FAM135B: variants seen among roughly 807,000 people sequenced by gnomAD.
The protein encoded by FAM135B is family with sequence similarity 135 member B.
In FAM135B, 43 loss-of-function variants were observed where a neutral mutation model predicts 127.7. The observed-to-expected ratio is 0.34, with a 90% CI of 0.26 to 0.43. The LOEUF is 0.43. Ranked by LOEUF, FAM135B falls within the 20% of genes least tolerant of loss-of-function variation. The pLI, the probability that FAM135B is intolerant of heterozygous loss-of-function variation, is 1.00. For missense variants in FAM135B, 1,558 were observed against 1,725.6 expected, an observed-to-expected ratio of 0.90 and a Z score of 1.72; for synonymous variants, 670 against 665.1, an observed-to-expected ratio of 1.01 and a Z score of -0.11.
intron 3 of FAM135B, among the ~76,000 whole-genome samples, chr8:138,276,483 G>A (rs1215528295): frequency 3.9e-5 from 6 of 152,144 alleles, no homozygotes; most frequent in Non-Finnish European, 8.8e-5. Context: ...GGGGAGAACA[G>A]GTGGTTGCTC....
chr8:138,402,258 C>T (rs1261298981), intron 1 of FAM135B, among the ~76,000 whole-genome samples: 1 of 152,160 alleles, frequency 6.6e-6, no homozygotes, highest in East Asian at 1.9e-4. Flanking sequence ...AAGGGTATTT[C>T]TGGTATTGTA....
intron 3 of FAM135B, among the ~76,000 whole-genome samples, chr8:138,302,420 T>C (rs1486363973): frequency 2.6e-5 from 4 of 152,114 alleles, no homozygotes; most frequent in Non-Finnish European, 1.5e-5. Flanking sequence ...GGGTGAAGTT[T>C]CCCATGCAGC....
At chr8:138,156,222 G>T (rs2130817078) in intron 12 of FAM135B, among the ~76,000 whole-genome samples, 1 of 152,272 alleles carries the variant, frequency 6.6e-6, no homozygotes, top group African/African-American at 2.4e-5. Context: ...AATGAAGGCA[G>T]AAATAAAGAT....
chr8:138,166,246 C>T (rs576385659), intron 12 of FAM135B, among the ~76,000 whole-genome samples: 270 of 152,186 alleles, frequency 1.8e-3, no homozygotes, highest in Non-Finnish European at 3.3e-3. Flanking sequence ...TTCTGATCCT[C>T]GAAGGGACAC....
rs143846822 is a variant in FAM135B at position 138,389,366 on chromosome 8, C to T, written c.-19-21364G>A. On this transcript the variant is annotated intron_variant, in intron 1 of 19. Coordinates refer to ENST00000395297, the MANE Select transcript of FAM135B (RefSeq NM_015912.4). Reference sequence around the variant, plus strand: ...AAAAACTTTTACACAAATAATTGTTCGTAGCAGCATTATTCACAATAGACA... The same window carrying T: ...AAAAACTTTTACACAAATAATTGTTTGTAGCAGCATTATTCACAATAGACA... Among the ~76,000 whole-genome samples the T allele has an allele frequency of 7.7e-3, 1,166 of 152,226 alleles. 6 individuals are homozygous for T. Among genetic ancestry groups the T allele is most frequent in the Non-Finnish European group, 9.2e-3 (628 of 68,002 alleles).
At chr8:138,471,825 G>A (rs1837690580) in intron 1 of FAM135B, among the ~76,000 whole-genome samples, 1 of 152,088 alleles carries the variant, frequency 6.6e-6, no homozygotes, top group South Asian at 2.1e-4. Context: ...CAAAGAATTA[G>A]AGATAACGTA....
intron 2 of FAM135B, among the ~76,000 whole-genome samples, chr8:138,357,754 G>A (rs1472395306): frequency 6.6e-6 from 1 of 152,058 alleles, no homozygotes; most frequent in Non-Finnish European, 1.5e-5. Context: ...TTCTAGGAAA[G>A]AAACATTCTA....
In FAM135B at chr8:138,367,914, G is replaced by C. The variant is rs2131216675; in HGVS notation, c.70C>G (p.Gln24Glu). The C allele has an allele frequency of 6.2e-7, 1 of 1,607,804 alleles. No individual in the cohort carries two copies. The highest frequency in any genetic ancestry group is 8.5e-7 in the Non-Finnish European group (1 of 1,175,174). The change falls in exon 2 of 20, where the codon CAG becomes GAG. Residue 24 changes from glutamine to glutamate, a missense_variant. Physicochemically the swap from Gln to Glu is conservative, Grantham distance 29. This residue lies in a region of FAM135B where 199 missense variants were observed against 245.7 expected (regional missense o/e 0.81). Transcript: ENST00000395297. The stretch of plus-strand genomic sequence containing the variant: ...ATTGTAAAGCATACTTACCCTCTCT[G>C]AAAGAGATCCACATTATAAAATTTA... ...LHKFYNVDLF[Q>E]RGYYQIRVTL...
At chr8:138,228,603 C>T (rs1366007280) in intron 7 of FAM135B, among the ~76,000 whole-genome samples, 1 of 152,080 alleles carries the variant, frequency 6.6e-6, no homozygotes, top group African/African-American at 2.4e-5. Context: ...GTTTCACAGG[C>T]TGAGCTGAAC....
At chr8:138,339,012 A>T (rs893296366) in intron 2 of FAM135B, among the ~76,000 whole-genome samples, 5 of 151,512 alleles carry the variant, frequency 3.3e-5, no homozygotes, top group African/African-American at 1.2e-4. Flanking sequence ...TCGCAAGGAC[A>T]AAAAACCAAA....
intron 1 of FAM135B, among the ~76,000 whole-genome samples, chr8:138,427,750 G>GT (rs1402629870): frequency 7.9e-5 from 12 of 152,094 alleles, no homozygotes; most frequent in African/African-American, 2.4e-4. Context: ...ACAATATATT[G>GT]TATATTGCTG....
intron 1 of FAM135B, among the ~76,000 whole-genome samples, chr8:138,419,613 G>T (rs986610554): frequency 6.6e-6 from 1 of 152,082 alleles, no homozygotes; most frequent in African/African-American, 2.4e-5. Flanking sequence ...TGGCCATAAG[G>T]CAATTCTCAA....
intron 1 of FAM135B, among the ~76,000 whole-genome samples, chr8:138,369,589 C>T (rs1407237728): frequency 6.6e-6 from 1 of 152,142 alleles, no homozygotes; most frequent in Non-Finnish European, 1.5e-5. Flanking sequence ...CATGGAAAGG[C>T]CTGGCTCACA....
intron 1 of FAM135B, among the ~76,000 whole-genome samples, chr8:138,456,229 A>G (rs1410490687): frequency 6.6e-6 from 1 of 152,200 alleles, no homozygotes; most frequent in African/African-American, 2.4e-5. Flanking sequence ...AATCCTCACA[A>G]ATATCACTGG....
chr8:138,427,314 T>C (rs1013019919), intron 1 of FAM135B, among the ~76,000 whole-genome samples: 13 of 150,724 alleles, frequency 8.6e-5, no homozygotes, highest in East Asian at 7.8e-4. Flanking sequence ...TCTACAAATA[T>C]ATATATATGC....
At chr8:138,259,302 T>C (rs1051640456) in intron 4 of FAM135B, among the ~76,000 whole-genome samples, 1 of 152,178 alleles carries the variant, frequency 6.6e-6, no homozygotes, top group Non-Finnish European at 1.5e-5. Flanking sequence ...CACAGCGTGA[T>C]GGCTAAGAGG....
intron 2 of FAM135B, among the ~76,000 whole-genome samples, chr8:138,312,709 G>A (rs1339100774): frequency 6.6e-6 from 1 of 152,108 alleles, no homozygotes; most frequent in African/African-American, 2.4e-5. Flanking sequence ...CTAGACAGCC[G>A]CCATCCCCAG....
In FAM135B at chr8:138,472,473, G is replaced by C. The variant is rs190283072; in HGVS notation, c.-20+24198C>G. ...TAGGGACAGTCCCTGCGCTGTTCTGGTTTCATTTTGTTTCCCTAGTGCAGG... is the reference window on the plus strand; with the variant it reads ...TAGGGACAGTCCCTGCGCTGTTCTGCTTTCATTTTGTTTCCCTAGTGCAGG... On this transcript the variant is annotated intron_variant, in intron 1 of 19. Coordinates refer to ENST00000395297, the MANE Select transcript of FAM135B (RefSeq NM_015912.4). Among the ~76,000 whole-genome samples the C allele has an allele frequency of 3.6e-4, 55 of 152,228 alleles. 1 individual carries two copies. Among genetic ancestry groups the C allele is most frequent in the African/African-American group, 1.3e-3 (54 of 41,544 alleles).
chr8:138,414,744 G>A (rs1460450031), intron 1 of FAM135B, among the ~76,000 whole-genome samples: 1 of 152,078 alleles, frequency 6.6e-6, no homozygotes, highest in South Asian at 2.1e-4. Flanking sequence ...AAGTGAAGAT[G>A]GCTGTAGCAC....
Sources: gnomAD v4.1 joint callset for allele counts (sites outside exome capture counted in the v4.1 genomes callset) on GRCh38, gnomAD v4.1.1 for gene constraint, gnomAD v4.1.1 regional missense constraint, MANE v1.5 for transcripts, NCBI Gene and HGNC (gene_info 2026-07-23, HGNC 2026-07-21) for gene names.